Variants in SETBP1 observed in about 807,000 individuals in gnomAD.
The protein encoded by SETBP1 is SET-binding protein.
SETBP1 carries 9 observed loss-of-function variants against 101.0 expected under a neutral mutation model. The ratio of observed to expected loss-of-function variants is 0.09; its 90% CI spans 0.05 to 0.16. The LOEUF (loss-of-function observed/expected upper bound fraction) is 0.16, where lower values mean the gene tolerates loss of function less well. Ranked by LOEUF, SETBP1 falls within the 10% of genes least tolerant of loss-of-function variation. SETBP1 has a pLI of 1.00. For missense variants in SETBP1, 1,858 were observed against 2,033.8 expected (o/e 0.91, Z 1.66); for synonymous variants, 818 against 788.5 (o/e 1.04, Z -0.63).
At chr18:44,971,657 G>T (rs895152631) in intron 4 of SETBP1, among the ~76,000 whole-genome samples, 1 of 152,132 alleles carries the variant, frequency 6.6e-6, no homozygotes, top group Non-Finnish European at 1.5e-5. Context: ...CATGTCTTTT[G>T]GCTGCATAAA....
intron 4 of SETBP1, among the ~76,000 whole-genome samples, chr18:45,025,166 T>C (rs2073140307): frequency 6.6e-6 from 1 of 152,190 alleles, no homozygotes; most frequent in Admixed American, 6.5e-5. Context: ...TGCTCAGAGA[T>C]GCTTAAAGGG....
rs1473842972 is a variant in SETBP1 at position 44,950,256 on chromosome 18, G to T, written c.916G>T (p.Ala306Ser). 1 of 1,613,940 alleles carries T rather than the reference G, an allele frequency of 6.2e-7. No individual in the cohort carries two copies. Among genetic ancestry groups the T allele is most frequent in the African/African-American group, 1.3e-5 (1 of 74,942 alleles). Reference protein sequence around the residue: ...HSSPAPPSSSAECNGLQPLVD... With the variant: ...HSSPAPPSSSSECNGLQPLVD... ...CTCACCAGCCCCACCCAGCAGCTCT[G>T]CTGAGTGCAACGGGCTTCAGCCCTT... is the stretch of plus-strand genomic sequence containing the variant. Residue 306 changes from alanine (A) to serine (S), a missense_variant, in exon 4 of 6, where the codon GCT becomes TCT. Ala to Ser is a moderately conservative substitution (Grantham distance 99, BLOSUM62 1). This residue lies in a region of SETBP1 where 581 missense variants were observed against 535.1 expected (regional missense o/e 1.09). Coordinates refer to ENST00000649279, the MANE Select transcript of SETBP1 (RefSeq NM_015559.3).
chr18:44,903,540 G>A (rs1008497725), intron 3 of SETBP1, among the ~76,000 whole-genome samples: 7 of 152,192 alleles, frequency 4.6e-5, no homozygotes, highest in Admixed American at 1.3e-4. Context: ...TAGATGATGA[G>A]AGAGAAAGAA....
chr18:44,946,922 G>A (rs1282618514), intron 3 of SETBP1, among the ~76,000 whole-genome samples: 1 of 152,172 alleles, frequency 6.6e-6, no homozygotes, highest in African/African-American at 2.4e-5. Flanking sequence ...TGAAGGCAGT[G>A]ACCGTGTTTG....
At position 45,063,309 on chromosome 18, in the gene SETBP1, T is replaced by A; in HGVS notation, c.4402T>A (p.Ser1468Thr). 6.2e-7 allele frequency: 1 copy of A among 1,604,212 alleles called. No homozygotes were observed. The highest frequency in any genetic ancestry group is 8.5e-7 in the Non-Finnish European group (1 of 1,175,226). ...GCAGCCCACCCAGTTCGATGAGGAC[T>A]CCAGAGACCAAATGCCGGTGCTGGA... ...RKQPTQFDED[S>T]RDQMPVLEKC... Residue 1468 changes from serine (S) to threonine (T), a missense_variant, in exon 6 of 6, where the codon TCC (serine) becomes ACC (threonine). Physicochemically the swap from Ser to Thr is moderately conservative, Grantham distance 58. Coordinates refer to ENST00000649279, the MANE Select transcript of SETBP1 (RefSeq NM_015559.3).
intron 3 of SETBP1, among the ~76,000 whole-genome samples, chr18:44,920,097 C>G (rs2070545691): frequency 6.6e-6 from 1 of 152,066 alleles, no homozygotes; most frequent in Non-Finnish European, 1.5e-5. Context: ...CTGGAAAGTC[C>G]AAGGTCAAGA....
chr18:44,859,613 T>G (rs2073037364), intron 2 of SETBP1, among the ~76,000 whole-genome samples: 1 of 152,148 alleles, frequency 6.6e-6, no homozygotes, highest in African/African-American at 2.4e-5. Flanking sequence ...CTTGCACTGA[T>G]AGTGTGAAAT....
intron 2 of SETBP1, among the ~76,000 whole-genome samples, chr18:44,765,892 T>C (rs980054035): frequency 9.9e-5 from 15 of 152,228 alleles, no homozygotes; most frequent in Admixed American, 2.0e-4. Flanking sequence ...CTTTGCAGTA[T>C]GCTGCCCCTC....
At chr18:44,904,786 C>T (rs1303109236) in intron 3 of SETBP1, among the ~76,000 whole-genome samples, 1 of 152,166 alleles carries the variant, frequency 6.6e-6, no homozygotes, top group Non-Finnish European at 1.5e-5. Context: ...CTGCCATCTG[C>T]TAGGTCTTAT....
chr18:44,703,762 A>T (rs1321341664), intron 2 of SETBP1, among the ~76,000 whole-genome samples: 2 of 152,148 alleles, frequency 1.3e-5, no homozygotes, highest in Admixed American at 1.3e-4. Context: ...ATTTCTGGAT[A>T]CTCTGTCGTG....
intron 4 of SETBP1, among the ~76,000 whole-genome samples, chr18:45,037,794 C>T (rs1479259108): frequency 3.3e-5 from 5 of 152,146 alleles, no homozygotes; most frequent in Non-Finnish European, 7.4e-5. Context: ...CCCAAATCAG[C>T]TCTCCTTACC....
intron 2 of SETBP1, among the ~76,000 whole-genome samples, chr18:44,739,802 A>G (rs2070056435): frequency 6.6e-6 from 1 of 152,200 alleles, no homozygotes; most frequent in African/African-American, 2.4e-5. Flanking sequence ...CAGATGTCTG[A>G]TGTCCGAGTA....
intron 3 of SETBP1, among the ~76,000 whole-genome samples, chr18:44,913,389 G>C (rs1382879963): frequency 6.6e-6 from 1 of 152,114 alleles, no homozygotes; most frequent in Non-Finnish European, 1.5e-5. Flanking sequence ...CGTCCTCCTG[G>C]CTACCTCTTA....
chr18:44,758,485 C>T (rs1022184596), intron 2 of SETBP1, among the ~76,000 whole-genome samples: 12 of 151,640 alleles, frequency 7.9e-5, no homozygotes, highest in East Asian at 3.9e-4. Context: ...CGGGTTGAGG[C>T]GATTCTCCTG....
rs557242402 is a variant in SETBP1, at chr18:44,981,025, T to A, written c.4000+27685T>A. Among the ~76,000 whole-genome samples the A allele has an allele frequency of 3.3e-5, 5 of 152,346 alleles. No homozygotes were observed. The South Asian group carries it at 1.0e-3, about 32-fold the overall frequency. On this transcript the variant is annotated intron_variant, in intron 4 of 5. Coordinates refer to ENST00000649279, the MANE Select transcript of SETBP1 (RefSeq NM_015559.3). Reference sequence around the variant, plus strand: ...CCCCAGACCAATAGCATCTGCCTCATTTGAGAACTTGTTTGAAATGCAAAT... The same window carrying A: ...CCCCAGACCAATAGCATCTGCCTCAATTGAGAACTTGTTTGAAATGCAAAT...
intron 4 of SETBP1, among the ~76,000 whole-genome samples, chr18:44,978,096 G>A (rs898839486): frequency 6.6e-6 from 1 of 152,096 alleles, no homozygotes; most frequent in African/African-American, 2.4e-5. Flanking sequence ...CCAGCCCACA[G>A]GCCAACATTA....
rs1293463397 is a variant in SETBP1 at position 44,783,875 on chromosome 18, T to C, written c.486+82043T>C. Reference sequence around the variant, plus strand: ...TCCATGGTGCTAATGGCACTAATTCTTTATATTAAGCCTTGGGCAAATGGT... The same window carrying C: ...TCCATGGTGCTAATGGCACTAATTCCTTATATTAAGCCTTGGGCAAATGGT... On this transcript the variant is annotated intron_variant, in intron 2 of 5. Coordinates refer to ENST00000649279, the MANE Select transcript of SETBP1 (RefSeq NM_015559.3). 2.0e-5 allele frequency among the ~76,000 whole-genome samples: 3 copies of C among 152,368 alleles called. No homozygotes were observed. In the East Asian group the frequency reaches 5.8e-4, roughly 29 times the overall value.
chr18:44,924,308 C>T (rs576107735), intron 3 of SETBP1, among the ~76,000 whole-genome samples: 1 of 152,304 alleles, frequency 6.6e-6, no homozygotes, highest in Non-Finnish European at 1.5e-5. Flanking sequence ...CAGATGTCAT[C>T]CACAGCCTAG....
intron 3 of SETBP1, chr18:44,872,170 A>G (rs1047320675): frequency 6.6e-6 from 1 of 151,998 alleles, no homozygotes; most frequent in African/African-American, 2.4e-5. Context: ...CTGACATCTA[A>G]TTTTCTTTAG....
Sources: allele counts gnomAD v4.1 joint callset (sites outside exome capture counted in the v4.1 genomes callset), GRCh38; gene constraint gnomAD v4.1.1; regional missense constraint gnomAD v4.1.1; transcripts MANE v1.5; gene names NCBI Gene and HGNC (gene_info 2026-07-23, HGNC 2026-07-21).